ZNF540: variants seen among roughly 807,000 people sequenced by gnomAD.
ZNF540 encodes zinc finger protein 540, also known as CTD-3064H18.6.
A neutral mutation model predicts 11.8 loss-of-function variants in ZNF540; 3 were observed. That is an observed-to-expected ratio of 0.25 (90% CI 0.12 to 0.65). The LOEUF (loss-of-function observed/expected upper bound fraction) is 0.65. ZNF540 is among the 30% of genes least tolerant of loss of function. ZNF540 has a pLI of 0.83. For missense variants in ZNF540, 709 were observed against 793.1 expected, an observed-to-expected ratio of 0.89 and a Z score of 1.27; for synonymous variants, 247 against 259.0, an observed-to-expected ratio of 0.95 and a Z score of 0.45.
intron 4 of ZNF540, among the ~76,000 whole-genome samples, chr19:37,609,158 C>A (rs1368616746): frequency 6.6e-6 from 1 of 152,112 alleles, no homozygotes; most frequent in Non-Finnish European, 1.5e-5. Context: ...AATATCTATA[C>A]AAATCATTTA....
intron 1 of ZNF540, chr19:37,565,677 A>G: frequency 6.2e-7 from 1 of 1,613,688 alleles, no homozygotes; most frequent in Non-Finnish European, 8.5e-7. Context: ...TTACATTCAT[A>G]TGGTTTCTCT....
At chr19:37,598,262 A>AG (rs1175342998) in intron 1 of ZNF540, 114 bp from the exon 2 acceptor site, 1 of 607,180 alleles carries the variant, frequency 1.6e-6, no homozygotes, top group Non-Finnish European at 3.0e-6. Flanking sequence ...AGGGAAGTGT[A>AG]GGGGAGGTAT....
At chr19:37,564,847 T>C in intron 1 of ZNF540, 1 of 1,614,050 alleles carries the variant, frequency 6.2e-7, no homozygotes, top group South Asian at 1.1e-5. Context: ...CATAAGGTTT[T>C]TCACCTCTGT....
chr19:37,566,404 CA>C (rs2042862201), intron 1 of ZNF540: 3 of 1,235,954 alleles, frequency 2.4e-6, no homozygotes, highest in Non-Finnish European at 3.3e-6. Context: ...ATGGCTTAAA[CA>C]GTACAGAAAT....
intron 1 of ZNF540, among the ~76,000 whole-genome samples, chr19:37,567,457 C>T (rs1600464002): frequency 6.6e-6 from 1 of 152,302 alleles, no homozygotes; most frequent in East Asian, 1.9e-4. Flanking sequence ...TATTCATGGC[C>T]TACAAGCCCC....
chr19:37,612,994 A>G lies in ZNF540; in HGVS notation c.1714A>G (p.Ile572Val). Reference protein sequence around the residue: ...RRGQFTEHQKIHTGVKPYKCK... With the variant: ...RRGQFTEHQKVHTGVKPYKCK... ...TGGGCAGTTCACTGAACATCAGAAA[A>G]TTCATACGGGTGTAAAACCATACAA... is the stretch of plus-strand genomic sequence containing the variant. The change falls in exon 5 of 5, where the codon ATT becomes GTT. Residue 572 changes from isoleucine (I) to valine (V), a missense_variant. By Grantham distance (29) the Ile-to-Val change is conservative (BLOSUM62 3). Coordinates refer to ENST00000316433, the MANE Select transcript of ZNF540 (RefSeq NM_001172225.3). The G allele has an allele frequency of 1.2e-6, 2 of 1,614,186 alleles. No homozygotes were observed. Among genetic ancestry groups the G allele is most frequent in the Non-Finnish European group, 1.7e-6 (2 of 1,180,016 alleles).
rs188374621 is a variant in ZNF540, at chr19:37,563,648, C to T, written c.-73+11983C>T. The T allele has an allele frequency of 3.7e-4, 55 of 149,936 alleles. No individual in the cohort carries two copies. The East Asian group carries it at 4.3e-3, about 12-fold the overall frequency. 9.3% of individuals were successfully genotyped at this position (149,936 alleles called of 1,614,324 possible). A position where few individuals can be genotyped will look rare whatever the true frequency, so the allele number is the denominator to read the frequency against. ...TATACATATGTGGAATATATACACA[C>T]GTGGAATGTATACATATGGGGACTA... On this transcript the variant is annotated intron_variant, in intron 1 of 4. Coordinates refer to the ZNF540 transcript ENST00000592533.
In ZNF540 at chr19:37,614,090, T is replaced by C; in HGVS notation, c.*827T>C. ...ACTGTGAGAAATAAACCTCAGTTGTTTATAAGCCACTGAGTCTACGATATT... is the reference window on the plus strand; with the variant it reads ...ACTGTGAGAAATAAACCTCAGTTGTCTATAAGCCACTGAGTCTACGATATT... On this transcript the variant is annotated 3_prime_UTR_variant, in exon 5 of 5. Transcript: ENST00000316433. The C allele has an allele frequency of 5.2e-6, 2 of 384,778 alleles. No individual in the cohort carries two copies. Among genetic ancestry groups the C allele is most frequent in the Non-Finnish European group, 9.2e-6 (2 of 218,134 alleles). The allele number at this position is 384,778 out of a possible 1,614,324, so 23.8% of individuals were successfully genotyped here.
chr19:37,588,812 T>G lies in ZNF540; in HGVS notation c.-72-9564T>G, dbSNP rs112922796. On this transcript the variant is annotated intron_variant, in intron 1 of 4. Coordinates refer to the ZNF540 transcript ENST00000592533. ...CTGATCTCTGGGGAAAGGTGGATTATTCAGTAAATGTTATTGGAGAAAGGT... is the reference window on the plus strand; with the variant it reads ...CTGATCTCTGGGGAAAGGTGGATTAGTCAGTAAATGTTATTGGAGAAAGGT... Among the ~76,000 whole-genome samples, 694 of 152,368 alleles carry G rather than the reference T, an allele frequency of 4.6e-3. 4 individuals carry two copies. Among genetic ancestry groups the G allele is most frequent in the African/African-American group, 0.016 (672 of 41,588 alleles).
intron 1 of ZNF540, among the ~76,000 whole-genome samples, chr19:37,579,698 C>T (rs568562688): frequency 1.5e-4 from 23 of 152,228 alleles, no homozygotes; most frequent in African/African-American, 5.5e-4. Context: ...AATTTTATTA[C>T]AGTTATAAAG....
intron 1 of ZNF540, among the ~76,000 whole-genome samples, chr19:37,556,743 G>A (rs112666969): frequency 0.2 from 29,917 of 152,092 alleles, 3,023 homozygotes; most frequent in Middle Eastern, 0.3. Context: ...GATAGGCGGC[G>A]CCCTCCCATA....
rs117778424 is a variant in ZNF540 at position 37,553,432 on chromosome 19, T to C, written c.-73+1767T>C. Among the ~76,000 whole-genome samples the C allele has an allele frequency of 6.7e-3, 1,027 of 152,178 alleles. 32 individuals are homozygous for C. The highest frequency in any genetic ancestry group is 0.051 in the East Asian group (262 of 5,182). On this transcript the variant is annotated intron_variant, in intron 1 of 4. Coordinates refer to the ZNF540 transcript ENST00000592533. ...ACAGGCATCAGCCACCACGCCTGGC[T>C]TTCTTCTGTGTTTTTTTACTGAAGT...
chr19:37,564,635 G>A, intron 1 of ZNF540: 6 of 1,565,622 alleles, frequency 3.8e-6, no homozygotes, highest in Non-Finnish European at 5.2e-6. Context: ...AAGTTGTGAA[G>A]GACATCTAAA....
At chr19:37,551,995 T>C (rs754088328) in intron 1 of ZNF540, among the ~76,000 whole-genome samples, 19 of 152,118 alleles carry the variant, frequency 1.2e-4, no homozygotes, top group Admixed American at 5.2e-4. Context: ...GCTTAATTCC[T>C]TTTCTGAGTC....
chr19:37,607,626 C>T (rs2044095181), intron 4 of ZNF540, among the ~76,000 whole-genome samples: 1 of 152,040 alleles, frequency 6.6e-6, no homozygotes, highest in Non-Finnish European at 1.5e-5. Context: ...TAAGTTTCCT[C>T]AACATCTTTT....
At chr19:37,589,009 G>A (rs555692419) in intron 1 of ZNF540, among the ~76,000 whole-genome samples, 1 of 152,130 alleles carries the variant, frequency 6.6e-6, no homozygotes, top group East Asian at 1.9e-4. Context: ...CCGTCAGCCT[G>A]GCCAATGTGG....
chr19:37,609,559 G>A (rs2044112126), intron 4 of ZNF540, among the ~76,000 whole-genome samples: 1 of 150,810 alleles, frequency 6.6e-6, no homozygotes, highest in East Asian at 2.0e-4. Flanking sequence ...GGCAAAAAAA[G>A]TAGAGTGGCC....
intron 4 of ZNF540, among the ~76,000 whole-genome samples, chr19:37,610,148 A>G (rs1459191172): frequency 6.6e-6 from 1 of 151,980 alleles, no homozygotes; most frequent in East Asian, 1.9e-4. Flanking sequence ...TAATAAGGTG[A>G]GAGAGATTAG....
chr19:37,561,004 G>C (rs904639359), intron 1 of ZNF540: 5 of 139,278 alleles, frequency 3.6e-5, no homozygotes, highest in African/African-American at 1.1e-4. Context: ...TTGAAGCCCG[G>C]GATTTGAGAC....
Sources: allele counts gnomAD v4.1 joint callset (sites outside exome capture counted in the v4.1 genomes callset), GRCh38; gene constraint gnomAD v4.1.1; transcripts MANE v1.5; gene names NCBI Gene and HGNC (gene_info 2026-07-23, HGNC 2026-07-21).